Variants in CADPS2 observed in about 807,000 individuals in gnomAD.
CADPS2 encodes the protein calcium dependent secretion activator 2, also known as calcium-dependent secretion activator 2.
In CADPS2, 93 loss-of-function variants were observed where a neutral mutation model predicts 172.5. The observed-to-expected ratio is 0.54, with a 90% CI of 0.46 to 0.64. CADPS2 has a LOEUF of 0.64. Ranked by LOEUF, CADPS2 falls within the 30% of genes least tolerant of loss-of-function variation. CADPS2 has a pLI of 0.00. For synonymous variants in CADPS2, 546 were observed against 555.2 expected (o/e 0.98, Z 0.23); for missense variants, 1,420 against 1,565.9 (o/e 0.91, Z 1.57).
At chr7:122,508,443 ATTTAAGTTTTTT>A (rs2059772844) in intron 9 of CADPS2, among the ~76,000 whole-genome samples, 1 of 99,268 alleles carries the variant, frequency 1.0e-5, no homozygotes, top group African/African-American at 3.6e-5. Context: ...TTATTTATTC[ATTTAAGTTTTTT>A]TTTTTTTTTT....
chr7:122,471,574 A>G lies in CADPS2; in HGVS notation c.1999-12T>C. 6.5e-7 allele frequency: 1 copy of G among 1,549,620 alleles called. No homozygotes were observed. ...GGGCTAAACCATCCCTGCAAAATAAAAAAAGAATAGATATACATGTTTTTT... is the reference window on the plus strand; with the variant it reads ...GGGCTAAACCATCCCTGCAAAATAAGAAAAGAATAGATATACATGTTTTTT... On this transcript the variant is annotated splice_polypyrimidine_tract_variant and intron_variant, in intron 13 of 29. Transcript: ENST00000449022.
intron 17 of CADPS2, among the ~76,000 whole-genome samples, chr7:122,430,869 T>C (rs773855402): frequency 9.9e-5 from 15 of 152,214 alleles, no homozygotes; most frequent in East Asian, 9.6e-4. Context: ...CAGTGGAGAA[T>C]TGGAAGAATT....
At chr7:122,712,484 G>A (rs916328464) in intron 2 of CADPS2, among the ~76,000 whole-genome samples, 1 of 152,098 alleles carries the variant, frequency 6.6e-6, no homozygotes, top group Non-Finnish European at 1.5e-5. Context: ...CAATTTTAGG[G>A]CTACAGCACT....
chr7:122,664,874 T>C (rs2081019938), intron 2 of CADPS2, among the ~76,000 whole-genome samples: 1 of 151,798 alleles, frequency 6.6e-6, no homozygotes, highest in Non-Finnish European at 1.5e-5. Context: ...AGCCTTGACA[T>C]CCCAGGCTCA....
At chr7:122,756,772 C>A (rs1222435796) in intron 1 of CADPS2, among the ~76,000 whole-genome samples, 3 of 152,126 alleles carry the variant, frequency 2.0e-5, no homozygotes, top group Non-Finnish European at 4.4e-5. Context: ...TGGTGGCATG[C>A]ACCTGTAATC....
intron 25 of CADPS2, among the ~76,000 whole-genome samples, chr7:122,374,417 T>C (rs1194268919): frequency 6.7e-6 from 1 of 149,752 alleles, no homozygotes; most frequent in Non-Finnish European, 1.5e-5. Flanking sequence ...ACAAATAAAA[T>C]AAAATAAAAT....
rs1194178148 is a variant in CADPS2 at position 122,489,496 on chromosome 7, T to C, written c.1852+585A>G. ...TGAAGATGTTTTGACCATTATTCCA[T>C]AATTATTAAGCATCAGTCATTTAAA... On this transcript the variant is annotated intron_variant, in intron 11 of 29. Coordinates refer to ENST00000449022, the MANE Select transcript of CADPS2 (RefSeq NM_017954.11). Among the ~76,000 whole-genome samples, 8 of 152,136 alleles carry C rather than the reference T, an allele frequency of 5.3e-5. 1 individual carries two copies. The highest frequency in any genetic ancestry group is 3.3e-4 in the Admixed American group (5 of 15,260).
intron 2 of CADPS2, chr7:122,702,439 G>C: frequency 6.2e-7 from 1 of 1,613,770 alleles, no homozygotes. Context: ...CACGTTCGAT[G>C]AGGGCCAGCC....
chr7:122,628,118 T>C (rs2076249652), intron 4 of CADPS2, among the ~76,000 whole-genome samples: 1 of 152,146 alleles, frequency 6.6e-6, no homozygotes, highest in Non-Finnish European at 1.5e-5. Context: ...TCTTACAACT[T>C]ACTGTCATTC....
intron 2 of CADPS2, chr7:122,681,225 A>G: frequency 1.5e-6 from 1 of 686,102 alleles, no homozygotes; most frequent in Non-Finnish European, 2.6e-6. Context: ...ACATGTATAC[A>G]TATGTAATGA....
chr7:122,477,780 C>T (rs2056873401), intron 12 of CADPS2, among the ~76,000 whole-genome samples: 1 of 152,074 alleles, frequency 6.6e-6, no homozygotes, highest in African/African-American at 2.4e-5. Flanking sequence ...CACGTAGCTA[C>T]TTTTTTTGTG....
intron 3 of CADPS2, among the ~76,000 whole-genome samples, chr7:122,659,499 T>C (rs960773767): frequency 5.3e-5 from 8 of 151,970 alleles, no homozygotes; most frequent in Non-Finnish European, 8.8e-5. Flanking sequence ...TGGGATAACA[T>C]GGGTAACAGA....
At chr7:122,640,094 G>A (rs1279243843) in intron 3 of CADPS2, among the ~76,000 whole-genome samples, 4 of 152,140 alleles carry the variant, frequency 2.6e-5, no homozygotes, top group African/African-American at 9.7e-5. Context: ...GTGATAAATG[G>A]CATGCCTCTC....
intron 11 of CADPS2, among the ~76,000 whole-genome samples, chr7:122,489,683 A>C (rs1189807519): frequency 6.6e-6 from 1 of 152,166 alleles, no homozygotes; most frequent in African/African-American, 2.4e-5. Context: ...CAATTCTAGA[A>C]GGTAATGGTT....
intron 2 of CADPS2, among the ~76,000 whole-genome samples, chr7:122,677,029 C>G (rs919089127): frequency 6.6e-6 from 1 of 152,160 alleles, no homozygotes; most frequent in East Asian, 1.9e-4. Context: ...CCACACTCTG[C>G]GTACATTCCC....
intron 24 of CADPS2, among the ~76,000 whole-genome samples, chr7:122,381,228 T>C (rs2042963895): frequency 6.6e-6 from 1 of 152,118 alleles, no homozygotes; most frequent in Admixed American, 6.5e-5. Context: ...TCTCCCACTC[T>C]GCCACTCTTG....
At chr7:122,774,345 T>G (rs1194942477) in intron 1 of CADPS2, among the ~76,000 whole-genome samples, 1 of 150,770 alleles carries the variant, frequency 6.6e-6, no homozygotes. Context: ...AAAAGTCATC[T>G]CAAACCAATT....
intron 1 of CADPS2, among the ~76,000 whole-genome samples, chr7:122,882,433 G>C (rs887889142): frequency 1.3e-5 from 2 of 152,060 alleles, no homozygotes; most frequent in African/African-American, 2.4e-5. Flanking sequence ...AAAGAGCAGT[G>C]ACTAGAAACC....
At chr7:122,375,433 A>G (rs1158848533) in intron 25 of CADPS2, among the ~76,000 whole-genome samples, 7 of 152,196 alleles carry the variant, frequency 4.6e-5, no homozygotes, top group African/African-American at 1.7e-4. Flanking sequence ...CTCAGAAATA[A>G]ACCCACACAC....
Sources: gnomAD v4.1 joint callset for allele counts (sites outside exome capture counted in the v4.1 genomes callset) on GRCh38, gnomAD v4.1.1 for gene constraint, MANE v1.5 for transcripts, NCBI Gene and HGNC (gene_info 2026-07-23, HGNC 2026-07-21) for gene names.